MECOM: variants seen among roughly 807,000 people sequenced by gnomAD.
The protein encoded by MECOM is MDS1 and EVI1 complex locus.
In MECOM, 13 loss-of-function variants were observed where a neutral mutation model predicts 116.3. The observed-to-expected ratio is 0.11, with a 90% CI of 0.07 to 0.18. MECOM has a LOEUF of 0.18. Among genes scored for constraint, MECOM ranks in the 10% least tolerant of loss-of-function variants. The probability of loss-of-function intolerance (pLI) is 1.00; values close to 1 mark genes in which losing one functional copy is unlikely to be tolerated. For synonymous variants in MECOM, 528 were observed against 535.2 expected, an observed-to-expected ratio of 0.99 and a Z score of 0.19; for missense variants, 1,299 against 1,509.0, an observed-to-expected ratio of 0.86 and a Z score of 2.31.
intron 2 of MECOM, among the ~76,000 whole-genome samples, chr3:169,289,661 T>G (rs1009145382): frequency 6.6e-6 from 1 of 151,884 alleles, no homozygotes; most frequent in Non-Finnish European, 1.5e-5. Context: ...CAATGGAGAG[T>G]TTGACTAAAA....
At chr3:169,183,801 CACACACACACACACACACAT>C (rs1380105542) in intron 2 of MECOM, among the ~76,000 whole-genome samples, 43 of 66,676 alleles carry the variant, frequency 6.4e-4, no homozygotes, top group Middle Eastern at 5.0e-3. Flanking sequence ...CACACACACA[CACACACACACACACACACAT>C]ATATATATAT....
At chr3:169,409,205 A>G (rs893145328) in intron 1 of MECOM, among the ~76,000 whole-genome samples, 2 of 152,202 alleles carry the variant, frequency 1.3e-5, no homozygotes, top group Admixed American at 1.3e-4. Context: ...CGACTCTCAC[A>G]GTTCCTTTCA....
intron 2 of MECOM, among the ~76,000 whole-genome samples, chr3:169,269,662 C>T (rs1758706721): frequency 6.6e-6 from 1 of 152,116 alleles, no homozygotes; most frequent in South Asian, 2.1e-4. Context: ...GTCATGCTCT[C>T]TGTAATAGGA....
chr3:169,198,478 G>T (rs1469726835), intron 2 of MECOM, among the ~76,000 whole-genome samples: 1 of 151,928 alleles, frequency 6.6e-6, no homozygotes, highest in Non-Finnish European at 1.5e-5. Flanking sequence ...TCCTTCCCTT[G>T]CTTTGGTGCC....
At chr3:169,281,536 C>A (rs1577573912) in intron 2 of MECOM, among the ~76,000 whole-genome samples, 1 of 152,156 alleles carries the variant, frequency 6.6e-6, no homozygotes, top group South Asian at 2.1e-4. Context: ...GAGGGCTGGG[C>A]ATTGTGGCTC....
chr3:169,469,485 C>A (rs1409941526), intron 1 of MECOM, among the ~76,000 whole-genome samples: 1 of 152,150 alleles, frequency 6.6e-6, no homozygotes, highest in Non-Finnish European at 1.5e-5. Context: ...CTACCTATCA[C>A]CCCTGTTTTA....
chr3:169,658,146 C>T lies in MECOM; in HGVS notation c.37+5190G>A, dbSNP rs1775758469. On this transcript the variant is annotated intron_variant, in intron 1 of 16. Transcript: ENST00000651503. ...ACCGTGGCTAGTGGAGTGGGGAAGT[C>T]GGGAGGGAACTAATGATTTATCCTG... 1.3e-5 allele frequency among the ~76,000 whole-genome samples: 2 copies of T among 152,080 alleles called. 1 individual carries two copies. Among genetic ancestry groups the T allele is most frequent in the South Asian group, 4.2e-4 (2 of 4,814 alleles).
chr3:169,158,117 A>G (rs1477007345), intron 2 of MECOM, among the ~76,000 whole-genome samples: 3 of 152,198 alleles, frequency 2.0e-5, no homozygotes, highest in African/African-American at 7.2e-5. Flanking sequence ...TCTCAAAAAA[A>G]GTGTTGATTA....
At chr3:169,108,973 C>A (rs564985037) in intron 9 of MECOM, among the ~76,000 whole-genome samples, 1 of 152,182 alleles carries the variant, frequency 6.6e-6, no homozygotes, top group South Asian at 2.1e-4. Flanking sequence ...GTGCAAATAA[C>A]CAAAAATAAT....
intron 1 of MECOM, among the ~76,000 whole-genome samples, chr3:169,400,108 A>G (rs1245936813): frequency 1.3e-5 from 2 of 152,226 alleles, no homozygotes; most frequent in Non-Finnish European, 2.9e-5. Context: ...ATTACTTGTC[A>G]GAAAAGTGAA....
Position 169,594,174 on chromosome 3 carries a change from A to AAAAAAAAAAAAAAAAAAAAAAC in MECOM, c.37+69161_37+69162insGTTTTTTTTTTTTTTTTTTTTT, listed in dbSNP as rs1255613781. Among the ~76,000 whole-genome samples, 293 of 125,866 alleles carry AAAAAAAAAAAAAAAAAAAAAAC rather than the reference A, an allele frequency of 2.3e-3. 15 individuals are homozygous for AAAAAAAAAAAAAAAAAAAAAAC. The highest frequency in any genetic ancestry group is 3.0e-3 in the Non-Finnish European group (188 of 61,660). 82.6% of individuals were successfully genotyped at this position (125,866 alleles called of 152,430 possible). A position where few individuals can be genotyped will look rare whatever the true frequency, so the allele number is the denominator to read the frequency against. On this transcript the variant is annotated intron_variant, in intron 1 of 16. Coordinates refer to ENST00000651503, the MANE Select transcript of MECOM (RefSeq NM_004991.4). ...CACCACAAAAAAAAAAAAAAAAAAA[A>AAAAAAAAAAAAAAAAAAAAAAC]AACACCTTTTCACCTAAGTACCTCA...
chr3:169,292,852 T>G (rs1714845991), intron 2 of MECOM, among the ~76,000 whole-genome samples: 1 of 152,146 alleles, frequency 6.6e-6, no homozygotes, highest in African/African-American at 2.4e-5. Flanking sequence ...TATATTCAAT[T>G]TAGAGGCATG....
At position 169,390,927 on chromosome 3, in the gene MECOM, T is replaced by C. The variant is rs1864514; in HGVS notation, c.38-9403A>G. On this transcript the variant is annotated intron_variant, in intron 1 of 16. Coordinates refer to ENST00000651503, the MANE Select transcript of MECOM (RefSeq NM_004991.4). ...AAGTAAATGAGATTGAGATCTACCTTCTACCACATGGCAAACAAAGATAGG... is the reference window on the plus strand; with the variant it reads ...AAGTAAATGAGATTGAGATCTACCTCCTACCACATGGCAAACAAAGATAGG... Among the ~76,000 whole-genome samples, 92 of 152,296 alleles carry C rather than the reference T, an allele frequency of 6.0e-4. 2 individuals are homozygous for C. In the East Asian group the frequency reaches 0.015, roughly 25 times the overall value.
intron 1 of MECOM, among the ~76,000 whole-genome samples, chr3:169,463,007 T>C (rs1747712532): frequency 6.6e-6 from 1 of 152,190 alleles, no homozygotes; most frequent in Non-Finnish European, 1.5e-5. Flanking sequence ...GTTTTCCTGT[T>C]GGCAAGCATA....
At chr3:169,556,549 G>T (rs1007515088) in intron 1 of MECOM, among the ~76,000 whole-genome samples, 18 of 152,254 alleles carry the variant, frequency 1.2e-4, no homozygotes, top group Middle Eastern at 3.4e-3. Flanking sequence ...CCCACCTCCT[G>T]GTTGTCCCAC....
intron 1 of MECOM, among the ~76,000 whole-genome samples, chr3:169,498,903 A>G (rs539848891): frequency 1.3e-5 from 2 of 152,322 alleles, no homozygotes; most frequent in East Asian, 3.9e-4. Context: ...ATACTTATGA[A>G]AAAAACCAAT....
At chr3:169,472,518 G>GAAAGGAAAGGAAAGA (rs1553863131) in intron 1 of MECOM, among the ~76,000 whole-genome samples, 1,761 of 70,114 alleles carry the variant, frequency 0.025, 349 homozygotes, top group East Asian at 0.066. Flanking sequence ...GAAAGGAAAG[G>GAAAGGAAAGGAAAGA]AAAGAAAAGA....
At chr3:169,447,640 C>G (rs1744880615) in intron 1 of MECOM, among the ~76,000 whole-genome samples, 1 of 152,192 alleles carries the variant, frequency 6.6e-6, no homozygotes, top group African/African-American at 2.4e-5. Context: ...AGCACACAAA[C>G]AGATGTTTAC....
rs1754634227 is a variant in MECOM at position 169,502,273 on chromosome 3, G to T, written c.38-120749C>A. Among the ~76,000 whole-genome samples the T allele has an allele frequency of 1.3e-5, 2 of 152,050 alleles. 1 individual carries two copies. The highest frequency in any genetic ancestry group is 4.1e-4 in the South Asian group (2 of 4,822). ...AGTCCTTTCTGTGAACTTGATGCTT[G>T]CACAGAGAAATAAAGATACAAAAAA... On this transcript the variant is annotated intron_variant, in intron 1 of 16. Coordinates refer to ENST00000651503, the MANE Select transcript of MECOM (RefSeq NM_004991.4).
Sources: allele counts gnomAD v4.1 joint callset (sites outside exome capture counted in the v4.1 genomes callset), GRCh38; gene constraint gnomAD v4.1.1; transcripts MANE v1.5; gene names NCBI Gene and HGNC (gene_info 2026-07-23, HGNC 2026-07-21).